Variants in CADPS observed in about 807,000 individuals in gnomAD.
CADPS encodes calcium dependent secretion activator, also known as calcium-dependent secretion activator 1.
In CADPS, 57 loss-of-function variants were observed where a neutral mutation model predicts 167.3. That is an observed-to-expected ratio of 0.34 (90% CI 0.28 to 0.42). The LOEUF is 0.42. CADPS is among the 20% of genes least tolerant of loss of function. The pLI is 1.00. For synonymous variants in CADPS, 676 were observed against 635.3 expected, an observed-to-expected ratio of 1.06 and a Z score of -0.96; for missense variants, 1,414 against 1,738.1, an observed-to-expected ratio of 0.81 and a Z score of 3.32.
rs188088043 is a variant in CADPS at position 62,797,919 on chromosome 3, C to T, written c.442-31935G>A. 3.3e-5 allele frequency among the ~76,000 whole-genome samples: 5 copies of T among 152,130 alleles called. No individual in the cohort carries two copies. In the South Asian group the frequency reaches 6.2e-4, roughly 19 times the overall value. ...ATGTAACATATATATTTTTTAGAAA[C>T]GACCATGAAAACTAATAAATGCAAA... On this transcript the variant is annotated intron_variant, in intron 1 of 29. Coordinates refer to ENST00000383710, the MANE Select transcript of CADPS (RefSeq NM_003716.4).
At chr3:62,649,543 C>CTTTTTTTTTTTT (rs369874258) in intron 5 of CADPS, among the ~76,000 whole-genome samples, 2 of 37,802 alleles carry the variant, frequency 5.3e-5, no homozygotes, top group African/African-American at 1.1e-4. Flanking sequence ...AATATGTGGT[C>CTTTTTTTTTTTT]TTTTTTTTTT....
intron 1 of CADPS, among the ~76,000 whole-genome samples, chr3:62,839,418 T>C (rs1012787917): frequency 1.3e-5 from 2 of 152,024 alleles, no homozygotes; most frequent in Non-Finnish European, 2.9e-5. Context: ...TTGAACTCCA[T>C]GGTCAGGGAC....
At chr3:62,516,465 A>G in intron 15 of CADPS, 115 bp downstream of exon 15, 1 of 850,216 alleles carries the variant, frequency 1.2e-6, no homozygotes, top group South Asian at 1.9e-5. Context: ...TATTTGATGA[A>G]TGGTAAACAA....
At chr3:62,710,592 G>A (rs1357013012) in intron 3 of CADPS, among the ~76,000 whole-genome samples, 6 of 151,918 alleles carry the variant, frequency 3.9e-5, no homozygotes, top group African/African-American at 1.5e-4. Flanking sequence ...GCCTCTCTCA[G>A]TCAGTAATAT....
At chr3:62,831,576 G>T (rs1197413382) in intron 1 of CADPS, among the ~76,000 whole-genome samples, 1 of 152,124 alleles carries the variant, frequency 6.6e-6, no homozygotes, top group African/African-American at 2.4e-5. Context: ...ATTTGATTCA[G>T]TATAACGAAA....
chr3:62,420,694 C>T lies in CADPS; in HGVS notation c.3777+17410G>A, dbSNP rs1268970297. On this transcript the variant is annotated intron_variant, in intron 28 of 29. Transcript: ENST00000383710. The surrounding 1 kb of genome is among the most constrained non-coding windows in gnomAD (Gnocchi z 4.1). Reference sequence around the variant, plus strand: ...GAATGAGGAAAATAAAGACAAAGTGCTGCTTTTTAAAAGTTAACATGTGTT... The same window carrying T: ...GAATGAGGAAAATAAAGACAAAGTGTTGCTTTTTAAAAGTTAACATGTGTT... Among the ~76,000 whole-genome samples, 2 of 152,178 alleles carry T rather than the reference C, an allele frequency of 1.3e-5. No individual in the cohort carries two copies. The highest frequency in any genetic ancestry group is 2.9e-5 in the Non-Finnish European group (2 of 68,036).
In CADPS at chr3:62,399,126, A is replaced by G. The variant is rs1704997313; in HGVS notation, c.*280T>C. The G allele has an allele frequency of 3.1e-6, 1 of 321,642 alleles. No individual in the cohort carries two copies. The highest frequency in any genetic ancestry group is 5.8e-6 in the Non-Finnish European group (1 of 171,732). The allele number at this position is 321,642 out of a possible 1,614,324, so 19.9% of individuals were successfully genotyped here. A position where few individuals can be genotyped will look rare whatever the true frequency, so the allele number is the denominator to read the frequency against. On this transcript the variant is annotated 3_prime_UTR_variant, in exon 30 of 30. Transcript: ENST00000383710. This position sits in a 1 kb window ranked among gnomAD's most constrained non-coding sequence, Gnocchi z 5.6. ...AGCATCATTGATCTTTGCTGATAAC[A>G]GGGACACGCCTAGTGGTTAGACTAT...
chr3:62,511,559 C>T (rs936338850), intron 17 of CADPS, among the ~76,000 whole-genome samples: 1 of 152,130 alleles, frequency 6.6e-6, no homozygotes, highest in Non-Finnish European at 1.5e-5. Flanking sequence ...TTTTTATTAG[C>T]TATCTGGCTT....
intron 28 of CADPS, among the ~76,000 whole-genome samples, chr3:62,415,016 G>A (rs2049753913): frequency 6.6e-6 from 1 of 152,126 alleles, no homozygotes; most frequent in Admixed American, 6.5e-5. Context: ...CCTCCCGTCT[G>A]ATGCTTTGTC....
chr3:62,540,971 G>T (rs1417188568), intron 11 of CADPS, among the ~76,000 whole-genome samples: 1 of 152,088 alleles, frequency 6.6e-6, no homozygotes, highest in Non-Finnish European at 1.5e-5. Flanking sequence ...GGACATTCTG[G>T]GATCACTTCC....
At chr3:62,488,523 A>G (rs1160297120) in intron 21 of CADPS, among the ~76,000 whole-genome samples, 1 of 151,578 alleles carries the variant, frequency 6.6e-6, no homozygotes, top group Non-Finnish European at 1.5e-5. Flanking sequence ...ATAGGGACTC[A>G]CTCTGTCACC....
intron 9 of CADPS, among the ~76,000 whole-genome samples, chr3:62,560,497 C>T (rs1031732900): frequency 6.6e-6 from 1 of 152,184 alleles, no homozygotes; most frequent in Non-Finnish European, 1.5e-5. Flanking sequence ...GACAGCCTGG[C>T]CTACAACAGA....
chr3:62,437,340 CT>C (rs11295364), intron 28 of CADPS, among the ~76,000 whole-genome samples: 40,655 of 128,086 alleles, frequency 0.32, 3,397 homozygotes, highest in Middle Eastern at 0.39. Context: ...AAGCAGGTTC[CT>C]TTTTTTTTTT....
intron 26 of CADPS, among the ~76,000 whole-genome samples, chr3:62,454,529 A>T (rs2058457656): frequency 6.6e-6 from 1 of 152,218 alleles, no homozygotes; most frequent in African/African-American, 2.4e-5. Context: ...TTGTCCCTAC[A>T]CTGCCTTTTC....
chr3:62,496,912 G>A (rs978329293), intron 18 of CADPS, among the ~76,000 whole-genome samples: 2 of 152,134 alleles, frequency 1.3e-5, no homozygotes, highest in African/African-American at 4.8e-5. Context: ...TTTTAATTTT[G>A]GAAAGAATCC....
intron 1 of CADPS, among the ~76,000 whole-genome samples, chr3:62,871,873 A>G (rs989017230): frequency 7.2e-5 from 11 of 152,184 alleles, no homozygotes; most frequent in African/African-American, 2.7e-4. Context: ...CCGTATATCA[A>G]TTTTTCAGTG....
At chr3:62,556,379 G>T (rs2078148248) in intron 10 of CADPS, among the ~76,000 whole-genome samples, 1 of 152,336 alleles carries the variant, frequency 6.6e-6, no homozygotes, top group East Asian at 1.9e-4. Flanking sequence ...ATTTTACTAA[G>T]TGGGCTGGGC....
At chr3:62,681,291 C>G (rs1196273745) in intron 3 of CADPS, among the ~76,000 whole-genome samples, 1 of 152,076 alleles carries the variant, frequency 6.6e-6, no homozygotes, top group Non-Finnish European at 1.5e-5. Flanking sequence ...ACTATGCCCT[C>G]TCCATCACAG....
intron 1 of CADPS, among the ~76,000 whole-genome samples, chr3:62,847,129 C>T (rs191543559): frequency 1.4e-4 from 21 of 152,210 alleles, no homozygotes; most frequent in East Asian, 1.4e-3. Context: ...TTTGACAGGA[C>T]GTTAGTAGTT....
Sources: allele counts gnomAD v4.1 joint callset (sites outside exome capture counted in the v4.1 genomes callset), GRCh38; gene constraint gnomAD v4.1.1; non-coding constraint Gnocchi (gnomAD v3.1); transcripts MANE v1.5; gene names NCBI Gene and HGNC (gene_info 2026-07-23, HGNC 2026-07-21).